Variants in SYN3 observed in about 807,000 individuals in gnomAD.
The protein encoded by SYN3 is synapsin III.
A neutral mutation model predicts 65.8 loss-of-function variants in SYN3; 35 were observed. That is an observed-to-expected ratio of 0.53 (90% CI 0.41 to 0.70). The LOEUF (loss-of-function observed/expected upper bound fraction) is 0.70. Ranked by LOEUF, SYN3 falls within the 30% of genes least tolerant of loss-of-function variation. SYN3 has a pLI of 0.00. For missense variants in SYN3, 680 were observed against 749.0 expected (o/e 0.91, Z 1.08); for synonymous variants, 270 against 292.9 (o/e 0.92, Z 0.80).
chr22:32,905,402 G>T (rs1309765195), intron 4 of SYN3, among the ~76,000 whole-genome samples: 1 of 152,130 alleles, frequency 6.6e-6, no homozygotes, highest in East Asian at 1.9e-4. Flanking sequence ...AGAGCATAAG[G>T]CAAAGAGTCT....
In SYN3 at chr22:32,644,331, G is replaced by A. The variant is rs145775393; in HGVS notation, c.712-47595C>T. On this transcript the variant is annotated intron_variant, in intron 6 of 13. Transcript: ENST00000358763. Reference sequence around the variant, plus strand: ...GTCAACCGTACATTCAGGGTTGGAGGCTGGCAGTGGAGGGGAGGGGTATGA... The same window carrying A: ...GTCAACCGTACATTCAGGGTTGGAGACTGGCAGTGGAGGGGAGGGGTATGA... Among the ~76,000 whole-genome samples, 409 of 152,204 alleles carry A rather than the reference G, an allele frequency of 2.7e-3. 2 individuals are homozygous for A. The highest frequency in any genetic ancestry group is 9.2e-3 in the African/African-American group (380 of 41,528).
intron 6 of SYN3, among the ~76,000 whole-genome samples, chr22:32,741,390 C>G (rs1000270725): frequency 1.6e-5 from 2 of 123,376 alleles, no homozygotes; most frequent in East Asian, 5.4e-4. Context: ...GAGTCTTGCT[C>G]TGCCGCCCAG....
In SYN3 at chr22:32,569,559, CTCTCTCTCTCTCTATATATA is replaced by C. The variant is rs1431330312; in HGVS notation, c.774+27095_774+27114del. On this transcript the variant is annotated intron_variant, in intron 7 of 13. Transcript: ENST00000358763. ...TCAATCTCTCTCTCTCTCTCTCTCT[CTCTCTCTCTCTCTATATATA>C]TATATATATAAAATCTATCTATTTC... Among the ~76,000 whole-genome samples the C allele has an allele frequency of 6.1e-4, 31 of 51,216 alleles. No homozygotes were observed. In the Middle Eastern group the frequency reaches 0.034, roughly 56 times the overall value. 33.6% of individuals were successfully genotyped at this position (51,216 alleles called of 152,430 possible).
At chr22:32,658,145 G>A (rs3788476) in intron 6 of SYN3, among the ~76,000 whole-genome samples, 6 of 152,170 alleles carry the variant, frequency 3.9e-5, no homozygotes, top group Non-Finnish European at 5.9e-5. Context: ...CCATTCTTAC[G>A]GTGAACAGGC....
intron 6 of SYN3, among the ~76,000 whole-genome samples, chr22:32,830,923 T>C (rs2047554831): frequency 6.6e-6 from 1 of 152,226 alleles, no homozygotes; most frequent in African/African-American, 2.4e-5. Flanking sequence ...GATGGGGTTT[T>C]GTTTTTGTTT....
chr22:33,052,265 G>T (rs2054180014), intron 1 of SYN3, among the ~76,000 whole-genome samples: 1 of 152,236 alleles, frequency 6.6e-6, no homozygotes, highest in South Asian at 2.1e-4. Context: ...ACAATGCTCA[G>T]AAGCAGGTGG....
At position 32,869,000 on chromosome 22, in the gene SYN3, T is replaced by C; in HGVS notation, c.587A>G (p.Tyr196Cys). 6.2e-7 allele frequency: 1 copy of C among 1,613,314 alleles called. No homozygotes were observed. Among genetic ancestry groups the C allele is most frequent in the Non-Finnish European group, 8.5e-7 (1 of 1,179,842 alleles). The change falls in exon 5 of 14, where the codon TAC (tyrosine) becomes TGC (cysteine). Residue 196 changes from tyrosine to cysteine, a missense_variant. Transcript: ENST00000358763. The stretch of plus-strand genomic sequence containing the variant: ...CTTGCTGCAGAAGTTGTAGACGGAG[T>C]AGAGAGAGTTGACAGCAGGCAGCCC... ...YGGLPAVNSL[Y>C]SVYNFCSKPW...
intron 6 of SYN3, among the ~76,000 whole-genome samples, chr22:32,728,379 C>T (rs2061225817): frequency 1.3e-5 from 2 of 152,252 alleles, no homozygotes; most frequent in South Asian, 2.1e-4. Context: ...TACCAGCTGC[C>T]TCTGGGCCCA....
intron 6 of SYN3, among the ~76,000 whole-genome samples, chr22:32,709,229 C>A (rs1406968873): frequency 5.3e-5 from 8 of 152,212 alleles, no homozygotes; most frequent in African/African-American, 1.7e-4. Context: ...TCCAAAATCT[C>A]TCTCTGCCTT....
rs141257787 is a variant in SYN3 at position 32,644,192 on chromosome 22, C to A, written c.712-47456G>T. ...CAGTTTCACAAACATATACTGAATA[C>A]CCACTGAGTGCCAGAAACTGTGCTA... On this transcript the variant is annotated intron_variant, in intron 6 of 13. Coordinates refer to ENST00000358763, the MANE Select transcript of SYN3 (RefSeq NM_003490.4). Among the ~76,000 whole-genome samples the A allele has an allele frequency of 7.7e-3, 1,147 of 149,674 alleles. 16 individuals are homozygous for A. The highest frequency in any genetic ancestry group is 0.027 in the African/African-American group (1,094 of 40,718).
At chr22:32,894,574 G>A (rs555408104) in intron 4 of SYN3, among the ~76,000 whole-genome samples, 5 of 152,322 alleles carry the variant, frequency 3.3e-5, no homozygotes, top group East Asian at 1.9e-4. Flanking sequence ...CACCAGGCAC[G>A]ACCCCGTCAT....
intron 6 of SYN3, among the ~76,000 whole-genome samples, chr22:32,772,893 A>C: frequency 6.6e-6 from 1 of 152,206 alleles, no homozygotes; most frequent in East Asian, 1.9e-4. Flanking sequence ...CATAACTGCG[A>C]GACAAAAAAT....
intron 10 of SYN3, among the ~76,000 whole-genome samples, chr22:32,531,850 C>A (rs1343341411): frequency 7.4e-6 from 1 of 135,304 alleles, no homozygotes; most frequent in African/African-American, 2.7e-5. Context: ...TCCCCTGGAA[C>A]ATTCTTGGGA....
At chr22:33,041,201 G>A (rs551117337) in intron 1 of SYN3, among the ~76,000 whole-genome samples, 1 of 151,962 alleles carries the variant, frequency 6.6e-6, no homozygotes, top group Non-Finnish European at 1.5e-5. Context: ...ACAGGCGTGA[G>A]TCACTGGGCC....
intron 1 of SYN3, among the ~76,000 whole-genome samples, chr22:33,052,378 T>A (rs984621725): frequency 6.6e-6 from 1 of 150,810 alleles, no homozygotes; most frequent in Non-Finnish European, 1.5e-5. Context: ...AAATCTCTTC[T>A]CTAAAGAATC....
chr22:32,678,683 C>T (rs2060481419), intron 6 of SYN3, among the ~76,000 whole-genome samples: 1 of 151,166 alleles, frequency 6.6e-6, no homozygotes, highest in South Asian at 2.1e-4. Context: ...TCCTCCTCCT[C>T]TTTCTTCTTT....
intron 9 of SYN3, among the ~76,000 whole-genome samples, 189 bp from the exon 10 acceptor site, chr22:32,534,084 C>A (rs1042664426): frequency 1.3e-5 from 2 of 152,006 alleles, no homozygotes; most frequent in Admixed American, 6.6e-5. Flanking sequence ...GAGTCCAACA[C>A]GCAGAGACAG....
intron 4 of SYN3, among the ~76,000 whole-genome samples, chr22:32,893,130 AC>A (rs2049497535): frequency 6.6e-6 from 1 of 152,162 alleles, no homozygotes; most frequent in Non-Finnish European, 1.5e-5. Flanking sequence ...TCTCGCTCTC[AC>A]TTTTATGACC....
intron 6 of SYN3, among the ~76,000 whole-genome samples, chr22:32,678,573 C>T (rs2060479367): frequency 1.3e-5 from 2 of 151,192 alleles, no homozygotes; most frequent in South Asian, 2.1e-4. Flanking sequence ...CTCCTTCCTC[C>T]TCCTCTCCTC....
Sources: gnomAD v4.1 joint callset for allele counts (sites outside exome capture counted in the v4.1 genomes callset) on GRCh38, gnomAD v4.1.1 for gene constraint, MANE v1.5 for transcripts, NCBI Gene and HGNC (gene_info 2026-07-23, HGNC 2026-07-21) for gene names.